Variants in ST6GALNAC3 observed in about 807,000 individuals in gnomAD.
ST6GALNAC3 encodes ST6 N-acetylgalactosaminide alpha-2,6-sialyltransferase 3.
ST6GALNAC3 carries 25 observed loss-of-function variants against 32.7 expected under a neutral mutation model. That is an observed-to-expected ratio of 0.76 (90% CI 0.56 to 1.07). The LOEUF (loss-of-function observed/expected upper bound fraction) is 1.07, where lower values mean the gene tolerates loss of function less well. Ranked by LOEUF, ST6GALNAC3 falls within the 50% of genes least tolerant of loss-of-function variation. ST6GALNAC3 has a pLI of 0.00. For synonymous variants in ST6GALNAC3, 129 were observed against 133.1 expected (o/e 0.97, Z 0.21); for missense variants, 355 against 382.4 (o/e 0.93, Z 0.60).
intron 3 of ST6GALNAC3, among the ~76,000 whole-genome samples, chr1:76,619,249 G>A (rs1360959897): frequency 6.6e-6 from 1 of 152,056 alleles, no homozygotes; most frequent in Non-Finnish European, 1.5e-5. Flanking sequence ...AAGCAGCAGT[G>A]GTATGTGTTT....
At chr1:76,436,842 AT>A (rs760947464) in intron 3 of ST6GALNAC3, among the ~76,000 whole-genome samples, 176 of 152,214 alleles carry the variant, frequency 1.2e-3, no homozygotes, top group Non-Finnish European at 2.3e-3. Flanking sequence ...TATTCAACAC[AT>A]TTGGGGAATT....
chr1:76,494,464 T>TACACAC (rs1317182947), intron 3 of ST6GALNAC3, among the ~76,000 whole-genome samples: 3 of 73,256 alleles, frequency 4.1e-5, no homozygotes, highest in South Asian at 7.0e-4. Context: ...TATATATATA[T>TACACAC]ATATACACAC....
intron 3 of ST6GALNAC3, among the ~76,000 whole-genome samples, chr1:76,606,762 G>A (rs1387406333): frequency 6.6e-6 from 1 of 150,964 alleles, no homozygotes; most frequent in Non-Finnish European, 1.5e-5. Context: ...AAAAAGAAAA[G>A]GAGGTCCTTC....
intron 3 of ST6GALNAC3, among the ~76,000 whole-genome samples, chr1:76,442,766 G>A (rs986066434): frequency 2.0e-5 from 3 of 151,988 alleles, no homozygotes; most frequent in African/African-American, 7.3e-5. Context: ...CCCTCCTTTG[G>A]TTTTCATAAA....
intron 3 of ST6GALNAC3, among the ~76,000 whole-genome samples, chr1:76,455,283 G>T (rs1157458963): frequency 6.6e-6 from 1 of 150,396 alleles, no homozygotes; most frequent in East Asian, 1.9e-4. Flanking sequence ...TTTGACATTT[G>T]ACTTTCATTT....
At chr1:76,153,905 A>G (rs71656876) in intron 1 of ST6GALNAC3, among the ~76,000 whole-genome samples, 23 of 152,094 alleles carry the variant, frequency 1.5e-4, no homozygotes, top group Non-Finnish European at 2.5e-4. Context: ...GCAATGGGCA[A>G]CTTTCTCCAT....
chr1:76,410,658 C>T (rs1050808309), intron 2 of ST6GALNAC3, among the ~76,000 whole-genome samples: 2 of 152,052 alleles, frequency 1.3e-5, no homozygotes, highest in Non-Finnish European at 2.9e-5. Context: ...CCTGACACAT[C>T]GCAGGTGCTC....
intron 3 of ST6GALNAC3, among the ~76,000 whole-genome samples, chr1:76,537,593 A>C (rs1448975829): frequency 6.6e-6 from 1 of 152,172 alleles, no homozygotes; most frequent in Non-Finnish European, 1.5e-5. Flanking sequence ...GAAAAGAGAG[A>C]AGAATCAAAT....
intron 3 of ST6GALNAC3, among the ~76,000 whole-genome samples, chr1:76,498,877 A>G (rs1391929465): frequency 6.6e-6 from 1 of 152,130 alleles, no homozygotes. Context: ...TTATTGCAAT[A>G]CTTCACATAC....
At chr1:76,621,663 T>A (rs1202401899) in intron 3 of ST6GALNAC3, among the ~76,000 whole-genome samples, 1 of 152,056 alleles carries the variant, frequency 6.6e-6, no homozygotes, top group Non-Finnish European at 1.5e-5. Context: ...CAATATTAGA[T>A]TGAATCCCAA....
At chr1:76,554,306 C>T (rs941223017) in intron 3 of ST6GALNAC3, among the ~76,000 whole-genome samples, 10 of 152,224 alleles carry the variant, frequency 6.6e-5, no homozygotes, top group South Asian at 2.1e-4. Context: ...TTAAGTCTCT[C>T]GGGTTATAGT....
At chr1:76,194,534 GA>G (rs1310512114) in intron 1 of ST6GALNAC3, among the ~76,000 whole-genome samples, 2 of 151,892 alleles carry the variant, frequency 1.3e-5, no homozygotes, top group African/African-American at 4.8e-5. Context: ...ATATATTTAT[GA>G]AAAATAATTA....
chr1:76,225,780 T>G (rs955291404), intron 1 of ST6GALNAC3, among the ~76,000 whole-genome samples: 1 of 152,090 alleles, frequency 6.6e-6, no homozygotes, highest in African/African-American at 2.4e-5. Flanking sequence ...TGAGAGGCAA[T>G]GAGTGTTGTA....
intron 3 of ST6GALNAC3, among the ~76,000 whole-genome samples, chr1:76,506,525 C>G (rs1444196316): frequency 6.6e-6 from 1 of 152,218 alleles, no homozygotes; most frequent in African/African-American, 2.4e-5. Flanking sequence ...ATGCTCCAGA[C>G]TTTCCCAACC....
At chr1:76,418,206 C>T (rs1008148439) in intron 3 of ST6GALNAC3, among the ~76,000 whole-genome samples, 2 of 152,076 alleles carry the variant, frequency 1.3e-5, no homozygotes, top group African/African-American at 2.4e-5. Context: ...TGTGTCATTG[C>T]GTGGTCAAGT....
At chr1:76,609,001 A>G (rs984550949) in intron 3 of ST6GALNAC3, among the ~76,000 whole-genome samples, 3 of 152,184 alleles carry the variant, frequency 2.0e-5, no homozygotes, top group Non-Finnish European at 2.9e-5. Flanking sequence ...ATTTTGGTCC[A>G]TTGTACTTTC....
chr1:76,550,237 CCTT>C (rs1365859813), intron 3 of ST6GALNAC3, among the ~76,000 whole-genome samples: 4 of 151,962 alleles, frequency 2.6e-5, no homozygotes, highest in African/African-American at 4.8e-5. Context: ...TATAAGAAAA[CCTT>C]CTTCATTTCC....
At chr1:76,558,569 A>G (rs12065523) in intron 3 of ST6GALNAC3, among the ~76,000 whole-genome samples, 26,675 of 152,068 alleles carry the variant, frequency 0.18, 2,625 homozygotes, top group African/African-American at 0.26. Flanking sequence ...GAAGAGATCA[A>G]TAGACACTGG....
At chr1:76,373,489 A>G (rs1342243920) in intron 2 of ST6GALNAC3, among the ~76,000 whole-genome samples, 1 of 152,202 alleles carries the variant, frequency 6.6e-6, no homozygotes, top group Non-Finnish European at 1.5e-5. Flanking sequence ...ATTCCCAAGG[A>G]CAGAAGCTTC....
Sources: allele counts gnomAD v4.1 joint callset (sites outside exome capture counted in the v4.1 genomes callset), GRCh38; gene constraint gnomAD v4.1.1; transcripts MANE v1.5; gene names NCBI Gene and HGNC (gene_info 2026-07-23, HGNC 2026-07-21).